Variants in NRG1 observed in about 807,000 individuals in gnomAD.
NRG1 encodes the protein neuregulin 1, also known as pro-neuregulin-1, membrane-bound isoform.
In NRG1, 18 loss-of-function variants were observed where a neutral mutation model predicts 63.8. The observed-to-expected ratio is 0.28, with a 90% CI of 0.19 to 0.42. NRG1 has a LOEUF of 0.42. Among genes scored for constraint, NRG1 ranks in the 10% least tolerant of loss-of-function variants. The pLI is 1.00. For missense variants in NRG1, 762 were observed against 814.7 expected (o/e 0.94, Z 0.79); for synonymous variants, 302 against 301.3 (o/e 1.00, Z -0.02).
chr8:31,957,953 AG>A (rs1346119576), intron 1 of NRG1, among the ~76,000 whole-genome samples: 22 of 152,278 alleles, frequency 1.4e-4, no homozygotes, highest in African/African-American at 5.1e-4. Flanking sequence ...ATTTAGTTGA[AG>A]GGAACTGCCT....
chr8:31,830,343 TTCCTTCCTTCCTTCCTTCCC>T (rs1374312436), intron 1 of NRG1, among the ~76,000 whole-genome samples: 7,943 of 125,960 alleles, frequency 0.063, 292 homozygotes, highest in Admixed American at 0.14. Context: ...CCTTCCTTCC[TTCCTTCCTTCCTTCCTTCCC>T]TCCTTCCCTC....
At chr8:31,641,303 T>C (rs1193693589) in intron 1 of NRG1, among the ~76,000 whole-genome samples, 2 of 151,656 alleles carry the variant, frequency 1.3e-5, no homozygotes, top group African/African-American at 2.4e-5. Context: ...ATGTGTAATA[T>C]GTGAGAATTA....
chr8:32,245,131 G>A (rs1848483571), intron 1 of NRG1, among the ~76,000 whole-genome samples: 1 of 152,140 alleles, frequency 6.6e-6, no homozygotes, highest in Non-Finnish European at 1.5e-5. Context: ...TGGCCTGCGT[G>A]TAATCTGCTG....
chr8:32,383,185 A>G (rs973403283), intron 1 of NRG1, among the ~76,000 whole-genome samples: 5 of 152,176 alleles, frequency 3.3e-5, no homozygotes, highest in African/African-American at 1.2e-4. Flanking sequence ...TGATGGCATT[A>G]CTGCATTCCA....
chr8:32,414,767 C>A (rs901649639), intron 1 of NRG1, among the ~76,000 whole-genome samples: 2 of 152,064 alleles, frequency 1.3e-5, no homozygotes, highest in East Asian at 1.9e-4. Flanking sequence ...TATTAGAGTT[C>A]GACAAAATCT....
At chr8:32,071,780 C>G (rs1016952755) in intron 1 of NRG1, among the ~76,000 whole-genome samples, 3 of 152,110 alleles carry the variant, frequency 2.0e-5, no homozygotes, top group African/African-American at 7.2e-5. Flanking sequence ...GTCAAATAAA[C>G]CTAGGTTTGC....
At chr8:32,639,321 A>T (rs768278940) in intron 5 of NRG1, among the ~76,000 whole-genome samples, 96 of 152,264 alleles carry the variant, frequency 6.3e-4, no homozygotes, top group Non-Finnish European at 1.2e-3. Flanking sequence ...CAGGAGAATC[A>T]CTGGAACCTG....
chr8:31,914,991 T>C (rs1833260133), intron 1 of NRG1, among the ~76,000 whole-genome samples: 1 of 152,116 alleles, frequency 6.6e-6, no homozygotes, highest in African/African-American at 2.4e-5. Flanking sequence ...CAGTTATGTA[T>C]ATACTAATAA....
intron 1 of NRG1, among the ~76,000 whole-genome samples, chr8:32,225,639 A>G (rs945632030): frequency 6.6e-5 from 10 of 152,286 alleles, no homozygotes; most frequent in African/African-American, 1.9e-4. Context: ...TTATATCAAT[A>G]TCTGTTAAAT....
At chr8:32,463,427 G>A (rs913392945) in intron 1 of NRG1, among the ~76,000 whole-genome samples, 7 of 151,982 alleles carry the variant, frequency 4.6e-5, no homozygotes, top group African/African-American at 1.5e-4. Context: ...AGTGGACAAG[G>A]GTTCCCTTTA....
rs139706015 is a variant in NRG1 at position 31,763,778 on chromosome 8, G to A, written c.37+124347G>A. Among the ~76,000 whole-genome samples, 912 of 152,192 alleles carry A rather than the reference G, an allele frequency of 6.0e-3. 10 individuals are homozygous for A. The highest frequency in any genetic ancestry group is 0.02 in the African/African-American group (821 of 41,540). ...ATCCTGGCTAACACGGTGAAACCCC[G>A]TCTCTACTAAAAATACAAAAAATTA... is the stretch of plus-strand genomic sequence containing the variant. On this transcript the variant is annotated intron_variant, in intron 1 of 10. Coordinates refer to the NRG1 transcript ENST00000519301.
At chr8:31,851,407 CAG>C (rs751622944) in intron 1 of NRG1, among the ~76,000 whole-genome samples, 4 of 152,052 alleles carry the variant, frequency 2.6e-5, no homozygotes, top group Non-Finnish European at 2.9e-5. Flanking sequence ...TGGTGAAAGG[CAG>C]AGTGTCCTGA....
intron 1 of NRG1, among the ~76,000 whole-genome samples, chr8:31,924,666 T>C (rs1182177810): frequency 6.6e-6 from 1 of 151,828 alleles, no homozygotes; most frequent in Non-Finnish European, 1.5e-5. Flanking sequence ...GGTTTGATTT[T>C]TCTTTTTTGA....
intron 1 of NRG1, among the ~76,000 whole-genome samples, chr8:31,714,334 T>A (rs1477727400): frequency 6.6e-6 from 1 of 152,212 alleles, no homozygotes; most frequent in Non-Finnish European, 1.5e-5. Context: ...TATTAAGATT[T>A]TTTTTGTATT....
At chr8:32,590,323 T>G (rs1203121732) in intron 1 of NRG1, among the ~76,000 whole-genome samples, 1 of 152,208 alleles carries the variant, frequency 6.6e-6, no homozygotes, top group African/African-American at 2.4e-5. Context: ...GCTCTGTTAT[T>G]AAATTGTTTC....
intron 1 of NRG1, among the ~76,000 whole-genome samples, chr8:32,582,091 A>ATTTTATTTTATTTTATTTTATTTTG (rs1445706862): frequency 2.6e-5 from 3 of 116,816 alleles, no homozygotes; most frequent in African/African-American, 6.4e-5. Context: ...ATTTTATTTT[A>ATTTTATTTTATTTTATTTTATTTTG]TTTTGTTTTG....
intron 1 of NRG1, among the ~76,000 whole-genome samples, chr8:32,332,890 C>T (rs1335368540): frequency 1.3e-5 from 2 of 152,270 alleles, no homozygotes; most frequent in Middle Eastern, 3.4e-3. Flanking sequence ...TTAAATAATA[C>T]ATGCCCATGT....
At chr8:32,530,476 T>C (rs1255398566) in intron 1 of NRG1, among the ~76,000 whole-genome samples, 1 of 152,218 alleles carries the variant, frequency 6.6e-6, no homozygotes, top group Non-Finnish European at 1.5e-5. Context: ...GAAATGACTC[T>C]ATTTCCATAC....
At chr8:32,251,434 C>T (rs1849094731) in intron 1 of NRG1, among the ~76,000 whole-genome samples, 1 of 152,126 alleles carries the variant, frequency 6.6e-6, no homozygotes, top group African/African-American at 2.4e-5. Flanking sequence ...ATATGTGGCA[C>T]ATTTTCTTTA....
Sources: allele counts gnomAD v4.1 joint callset (sites outside exome capture counted in the v4.1 genomes callset), GRCh38; gene constraint gnomAD v4.1.1; transcripts MANE v1.5; gene names NCBI Gene and HGNC (gene_info 2026-07-23, HGNC 2026-07-21).